KIAA1328: variants seen among roughly 807,000 people sequenced by gnomAD.
The protein encoded by KIAA1328 is KIAA1328, also known as protein hinderin.
A neutral mutation model predicts 68.1 loss-of-function variants in KIAA1328; 52 were observed. The observed-to-expected ratio is 0.76, with a 90% CI of 0.61 to 0.96. The LOEUF (loss-of-function observed/expected upper bound fraction) is 0.96. Ranked by LOEUF, KIAA1328 falls within the 40% of genes least tolerant of loss-of-function variation. The probability of loss-of-function intolerance (pLI) is 0.00; values close to 1 mark genes in which losing one functional copy is unlikely to be tolerated. For missense variants in KIAA1328, 641 were observed against 677.6 expected (o/e 0.95, Z 0.60); for synonymous variants, 232 against 239.4 (o/e 0.97, Z 0.28).
In KIAA1328 at chr18:36,844,275, T is replaced by C. The variant is rs776689055; in HGVS notation, c.305T>C (p.Ile102Thr). ...KDLCLEDKRR[I>T]ANLIKELARV... ...TTATGTCTTGAAGACAAAAGACGCA[T>C]TGCAAACTTAATTAAAGAACTGGCC... The change falls in exon 4 of 10, where the codon ATT becomes ACT. Residue 102 changes from isoleucine (I) to threonine (T), a missense_variant. Coordinates refer to ENST00000280020, the MANE Select transcript of KIAA1328 (RefSeq NM_020776.3). 2 of 1,605,632 alleles carry C rather than the reference T, an allele frequency of 1.2e-6. No homozygotes were observed. The highest frequency in any genetic ancestry group is 1.7e-6 in the Non-Finnish European group (2 of 1,175,672).
At chr18:36,857,193 A>G (rs566038310) in intron 4 of KIAA1328, among the ~76,000 whole-genome samples, 1 of 151,870 alleles carries the variant, frequency 6.6e-6, no homozygotes, top group Non-Finnish European at 1.5e-5. Context: ...TATGCATTAC[A>G]CTCTGGATTC....
chr18:37,078,076 G>C lies in KIAA1328; in HGVS notation c.1232+10531G>C, dbSNP rs892049463. On this transcript the variant is annotated intron_variant, in intron 7 of 9. Transcript: ENST00000280020. ...AGGCATCATGCTACCTGACTTCAAAGTATACTACAAGGCTGCAGTAACCAA... is the reference window on the plus strand; with the variant it reads ...AGGCATCATGCTACCTGACTTCAAACTATACTACAAGGCTGCAGTAACCAA... 6.9e-3 allele frequency among the ~76,000 whole-genome samples: 1,052 copies of C among 152,226 alleles called. 17 individuals are homozygous for C. The highest frequency in any genetic ancestry group is 0.024 in the African/African-American group (1,008 of 41,516).
At chr18:36,987,177 C>A (rs1181651873) in intron 6 of KIAA1328, among the ~76,000 whole-genome samples, 18 of 54,956 alleles carry the variant, frequency 3.3e-4, no homozygotes, top group African/African-American at 8.6e-4. Context: ...GAGTTCATGT[C>A]CTTTGTAGGG....
At chr18:37,196,610 C>A (rs1350546332) in intron 9 of KIAA1328, among the ~76,000 whole-genome samples, 3 of 152,058 alleles carry the variant, frequency 2.0e-5, no homozygotes, top group Non-Finnish European at 4.4e-5. Context: ...GTATGTTGAA[C>A]CATCCTTGCA....
chr18:37,213,407 T>C (rs1336147662), intron 9 of KIAA1328, among the ~76,000 whole-genome samples: 6 of 152,222 alleles, frequency 3.9e-5, no homozygotes, highest in Non-Finnish European at 8.8e-5. Flanking sequence ...TGTTTGGTTT[T>C]CTGCATTTGT....
intron 6 of KIAA1328, among the ~76,000 whole-genome samples, chr18:36,994,698 T>A (rs945027452): frequency 6.6e-6 from 1 of 152,236 alleles, no homozygotes; most frequent in African/African-American, 2.4e-5. Context: ...TGACTCATTC[T>A]GCTTATTTTA....
At chr18:36,941,664 T>C (rs1486441935) in intron 5 of KIAA1328, among the ~76,000 whole-genome samples, 17 of 152,144 alleles carry the variant, frequency 1.1e-4, no homozygotes. Flanking sequence ...AGTAATACTC[T>C]CATGGAAATA....
intron 5 of KIAA1328, among the ~76,000 whole-genome samples, chr18:36,887,461 T>A (rs1468811054): frequency 1.3e-5 from 2 of 152,248 alleles, no homozygotes; most frequent in East Asian, 3.9e-4. Context: ...TCTCTCAGGT[T>A]TTTTTAATGG....
At chr18:37,151,629 A>G (rs945784891) in intron 7 of KIAA1328, among the ~76,000 whole-genome samples, 3 of 152,168 alleles carry the variant, frequency 2.0e-5, no homozygotes, top group African/African-American at 7.2e-5. Context: ...CCACACACTC[A>G]TATGCTCAAC....
At chr18:37,129,058 A>C (rs989498541) in intron 7 of KIAA1328, among the ~76,000 whole-genome samples, 3 of 152,174 alleles carry the variant, frequency 2.0e-5, no homozygotes, top group Admixed American at 1.3e-4. Flanking sequence ...AGGTGATGGA[A>C]GTATTTTGTA....
chr18:37,188,657 C>T (rs908676038), intron 9 of KIAA1328, among the ~76,000 whole-genome samples: 1 of 152,202 alleles, frequency 6.6e-6, no homozygotes, highest in Non-Finnish European at 1.5e-5. Flanking sequence ...CTGTCTCCTT[C>T]AGTAAGTTTA....
At chr18:37,026,875 G>A (rs1237505428) in intron 6 of KIAA1328, among the ~76,000 whole-genome samples, 1 of 152,164 alleles carries the variant, frequency 6.6e-6, no homozygotes, top group Non-Finnish European at 1.5e-5. Context: ...TCTGGCCAGG[G>A]CAATCAGGTA....
chr18:37,015,913 G>A (rs1475051304), intron 6 of KIAA1328, among the ~76,000 whole-genome samples: 1 of 152,092 alleles, frequency 6.6e-6, no homozygotes, highest in Admixed American at 6.6e-5. Context: ...GAGTCTTTAG[G>A]GTTTCCTGGA....
chr18:37,039,481 C>T (rs145922136), intron 6 of KIAA1328, among the ~76,000 whole-genome samples: 822 of 151,692 alleles, frequency 5.4e-3, no homozygotes, highest in Non-Finnish European at 9.5e-3. Context: ...GGCGCAATCT[C>T]GGCTCACTGC....
intron 5 of KIAA1328, among the ~76,000 whole-genome samples, chr18:36,918,521 T>C (rs1402301228): frequency 1.3e-5 from 2 of 151,482 alleles, no homozygotes; most frequent in Non-Finnish European, 2.9e-5. Flanking sequence ...CAAGCAGTTC[T>C]CCTGCCTCAG....
rs189065372 is a variant in KIAA1328 at position 37,050,671 on chromosome 18, C to T, written c.577-16219C>T. Among the ~76,000 whole-genome samples the T allele has an allele frequency of 1.1e-3, 162 of 152,312 alleles. 3 individuals are homozygous for T. Among genetic ancestry groups the T allele is most frequent in the African/African-American group, 3.8e-3 (157 of 41,578 alleles). On this transcript the variant is annotated intron_variant, in intron 6 of 9. Coordinates refer to ENST00000280020, the MANE Select transcript of KIAA1328 (RefSeq NM_020776.3). ...ATCCTCACAATTAGACGTTTGTCTTCTTCAACTTTCAGTTGTGTCTCTTTC... is the reference window on the plus strand; with the variant it reads ...ATCCTCACAATTAGACGTTTGTCTTTTTCAACTTTCAGTTGTGTCTCTTTC...
At chr18:36,962,298 CA>C (rs2051715208) in intron 6 of KIAA1328, among the ~76,000 whole-genome samples, 1 of 152,138 alleles carries the variant, frequency 6.6e-6, no homozygotes, top group African/African-American at 2.4e-5. Flanking sequence ...GTATCCAATA[CA>C]GAAGCACCCA....
chr18:36,860,570 G>T (rs1177055931), intron 4 of KIAA1328, among the ~76,000 whole-genome samples: 1 of 152,054 alleles, frequency 6.6e-6, no homozygotes, highest in African/African-American at 2.4e-5. Context: ...TCTAAACAGT[G>T]CAAGAACGTT....
Position 37,223,946 on chromosome 18 carries a change from A to T in KIAA1328, c.*1719A>T, listed in dbSNP as rs1306313274. ...CATTCCCTTAAAAAGTTGGAAAATCATTACAGATTAAAATTTCTTTATAAA... is the reference window on the plus strand; with the variant it reads ...CATTCCCTTAAAAAGTTGGAAAATCTTTACAGATTAAAATTTCTTTATAAA... On this transcript the variant is annotated 3_prime_UTR_variant, in exon 10 of 10. Coordinates refer to ENST00000280020, the MANE Select transcript of KIAA1328 (RefSeq NM_020776.3). 1 of 985,044 alleles carries T rather than the reference A, an allele frequency of 1.0e-6. No individual in the cohort carries two copies. The highest frequency in any genetic ancestry group is 1.2e-6 in the Non-Finnish European group (1 of 829,664). The allele number at this position is 985,044 out of a possible 1,614,324, so 61.0% of individuals were successfully genotyped here.
Sources: allele counts gnomAD v4.1 joint callset (sites outside exome capture counted in the v4.1 genomes callset), GRCh38; gene constraint gnomAD v4.1.1; transcripts MANE v1.5; gene names NCBI Gene and HGNC (gene_info 2026-07-23, HGNC 2026-07-21).